XRCC4: variants seen among roughly 807,000 people sequenced by gnomAD.
XRCC4 encodes the protein X-ray repair cross complementing 4, also known as DNA repair protein XRCC4.
In XRCC4, 28 loss-of-function variants were observed where a neutral mutation model predicts 39.1. The observed-to-expected ratio is 0.72, with a 90% CI of 0.53 to 0.98. The LOEUF is 0.98. Among genes scored for constraint, XRCC4 ranks in the 50% least tolerant of loss-of-function variants. XRCC4 has a pLI of 0.00. For missense variants in XRCC4, 350 were observed against 376.4 expected (o/e 0.93, Z 0.58); for synonymous variants, 123 against 126.4 (o/e 0.97, Z 0.18).
At chr5:83,114,257 C>T (rs1262605033) in intron 3 of XRCC4, among the ~76,000 whole-genome samples, 1 of 152,174 alleles carries the variant, frequency 6.6e-6, no homozygotes, top group African/African-American at 2.4e-5. Flanking sequence ...CCCCCATTGT[C>T]TTGGTGATTA....
intron 3 of XRCC4, among the ~76,000 whole-genome samples, chr5:83,136,179 G>A (rs143621844): frequency 1.3e-5 from 2 of 151,984 alleles, no homozygotes; most frequent in South Asian, 4.2e-4. Context: ...TATACAAGAG[G>A]GTATAGTGAA....
chr5:83,087,674 AT>A lies in XRCC4; in HGVS notation c.-11+10069del, dbSNP rs201548067. On this transcript the variant is annotated intron_variant, in intron 1 of 7. Coordinates refer to ENST00000396027, the MANE Select transcript of XRCC4 (RefSeq NM_003401.5). The stretch of plus-strand genomic sequence containing the variant: ...TGAGACCCTGTGTCAAAAAAAAAAA[AT>A]TTTTTTTTTCCTGGTCATAGCGTGT... 2.7e-3 allele frequency among the ~76,000 whole-genome samples: 405 copies of A among 150,784 alleles called. 1 individual carries two copies. Among genetic ancestry groups the A allele is most frequent in the Non-Finnish European group, 4.2e-3 (283 of 67,598 alleles).
chr5:83,304,703 T>G (rs3777027), intron 7 of XRCC4, among the ~76,000 whole-genome samples: 16,524 of 145,336 alleles, frequency 0.11, 1,603 homozygotes, highest in African/African-American at 0.27. Context: ...TCTGTAAAAT[T>G]TATCTATAAA....
chr5:83,131,701 C>G (rs1004137697), intron 3 of XRCC4, among the ~76,000 whole-genome samples: 1 of 151,776 alleles, frequency 6.6e-6, no homozygotes, highest in African/African-American at 2.4e-5. Context: ...GGATTGCAAC[C>G]CCTCCTTTTT....
At chr5:83,321,124 C>G (rs1292105993) in intron 7 of XRCC4, among the ~76,000 whole-genome samples, 1 of 152,072 alleles carries the variant, frequency 6.6e-6, no homozygotes, top group Non-Finnish European at 1.5e-5. Flanking sequence ...AGACATAATG[C>G]TGTTGCACAC....
At chr5:83,369,209 A>G in the XRCC4 span, among the ~76,000 whole-genome samples, 1 of 152,210 alleles carries the variant, frequency 6.6e-6, no homozygotes, top group Non-Finnish European at 1.5e-5. Flanking sequence ...ATACACCGTT[A>G]AAATACACAA....
intron 2 of XRCC4, among the ~76,000 whole-genome samples, chr5:83,106,154 T>G (rs371121371): frequency 6.6e-6 from 1 of 152,146 alleles, no homozygotes; most frequent in Admixed American, 6.6e-5. Flanking sequence ...TCAGATTGGT[T>G]GTTGCAGTTC....
chr5:83,272,152 T>C (rs1212070948), intron 7 of XRCC4, among the ~76,000 whole-genome samples: 1 of 152,226 alleles, frequency 6.6e-6, no homozygotes, highest in African/African-American at 2.4e-5. Flanking sequence ...AAGACCATTT[T>C]ATACTCCGGA....
intron 3 of XRCC4, among the ~76,000 whole-genome samples, chr5:83,149,544 CT>C (rs1225571953): frequency 3.3e-5 from 5 of 151,988 alleles, no homozygotes; most frequent in Non-Finnish European, 5.9e-5. Flanking sequence ...TATTGCTTTT[CT>C]TTTTGTCTTT....
the XRCC4 span, among the ~76,000 whole-genome samples, chr5:83,367,577 C>T: frequency 6.6e-6 from 1 of 152,132 alleles, no homozygotes; most frequent in Non-Finnish European, 1.5e-5. Context: ...CATACTGCCT[C>T]ATCCCAAAAG....
At chr5:83,172,537 C>T (rs1749776418) in intron 3 of XRCC4, among the ~76,000 whole-genome samples, 1 of 152,058 alleles carries the variant, frequency 6.6e-6, no homozygotes, top group African/African-American at 2.4e-5. Flanking sequence ...TTATAGTGCT[C>T]TGTGTATTTA....
chr5:83,146,706 A>G (rs1326203482), intron 3 of XRCC4, among the ~76,000 whole-genome samples: 2 of 152,202 alleles, frequency 1.3e-5, no homozygotes, highest in Non-Finnish European at 2.9e-5. Context: ...TACTTTTACT[A>G]TACCTTACTA....
chr5:83,134,669 G>A (rs557149600), intron 3 of XRCC4, among the ~76,000 whole-genome samples: 3 of 152,302 alleles, frequency 2.0e-5, no homozygotes, highest in African/African-American at 7.2e-5. Context: ...GGCAACCTGA[G>A]CCAGCAGCAG....
chr5:83,362,112 C>T, the XRCC4 span, among the ~76,000 whole-genome samples: 1 of 151,948 alleles, frequency 6.6e-6, no homozygotes, highest in East Asian at 1.9e-4. Context: ...TTTTTACTCC[C>T]TCATCACACT....
the XRCC4 span, among the ~76,000 whole-genome samples, chr5:83,370,052 T>C: frequency 6.6e-6 from 1 of 152,150 alleles, no homozygotes; most frequent in Admixed American, 6.5e-5. Flanking sequence ...TCTAATTTGC[T>C]AACCCAAACC....
At chr5:83,156,834 G>A (rs765353296) in intron 3 of XRCC4, among the ~76,000 whole-genome samples, 17 of 152,038 alleles carry the variant, frequency 1.1e-4, no homozygotes, top group Admixed American at 3.3e-4. Context: ...TTTTAGGAGA[G>A]GTTGCTAGAG....
chr5:83,078,946 T>C (rs1223738875), intron 1 of XRCC4, among the ~76,000 whole-genome samples: 2 of 152,258 alleles, frequency 1.3e-5, no homozygotes, highest in Admixed American at 6.5e-5. Flanking sequence ...GGTTTAGTTA[T>C]GGAAATTATG....
At chr5:83,105,326 A>G (rs1746147069) in intron 2 of XRCC4, among the ~76,000 whole-genome samples, 1 of 152,212 alleles carries the variant, frequency 6.6e-6, no homozygotes, top group Non-Finnish European at 1.5e-5. Context: ...CTCTTTATAG[A>G]AAATATAAAT....
At chr5:83,315,899 G>A (rs2112111326) in intron 7 of XRCC4, among the ~76,000 whole-genome samples, 1 of 152,220 alleles carries the variant, frequency 6.6e-6, no homozygotes, top group Admixed American at 6.6e-5. Flanking sequence ...TGACTTTCAA[G>A]TCTTATTATT....
Sources: gnomAD v4.1 joint callset for allele counts (sites outside exome capture counted in the v4.1 genomes callset) on GRCh38, gnomAD v4.1.1 for gene constraint, MANE v1.5 for transcripts, NCBI Gene and HGNC (gene_info 2026-07-23, HGNC 2026-07-21) for gene names.